The following EXOC6B variants were observed in gnomAD, a reference collection of about 807,000 sequenced individuals.
The protein encoded by EXOC6B is SEC15 homolog B.
A neutral mutation model predicts 113.5 loss-of-function variants in EXOC6B; 54 were observed. The ratio of observed to expected loss-of-function variants is 0.48; its 90% CI spans 0.38 to 0.60. EXOC6B has a LOEUF of 0.60. Ranked by LOEUF, EXOC6B falls within the 20% of genes least tolerant of loss-of-function variation. The pLI is 0.00. For synonymous variants in EXOC6B, 357 were observed against 339.0 expected, an observed-to-expected ratio of 1.05 and a Z score of -0.58; for missense variants, 797 against 977.5, an observed-to-expected ratio of 0.82 and a Z score of 2.46.
chr2:72,463,843 T>G (rs2105412224), intron 18 of EXOC6B: 1 of 152,252 alleles, frequency 6.6e-6, no homozygotes, highest in Admixed American at 6.5e-5. Context: ...AAAAGAATTC[T>G]CACAGTTCTG....
At chr2:72,609,944 T>C (rs1395109579) in intron 6 of EXOC6B, among the ~76,000 whole-genome samples, 1 of 152,016 alleles carries the variant, frequency 6.6e-6, no homozygotes, top group East Asian at 1.9e-4. Context: ...ATGAAATCAG[T>C]AGACAATAAA....
intron 20 of EXOC6B, among the ~76,000 whole-genome samples, chr2:72,217,824 T>C (rs916910612): frequency 4.6e-5 from 7 of 152,228 alleles, no homozygotes; most frequent in African/African-American, 1.7e-4. Flanking sequence ...TTGATTATGC[T>C]TTATTTTCTT....
intron 18 of EXOC6B, among the ~76,000 whole-genome samples, chr2:72,407,735 A>T (rs1020676022): frequency 6.6e-6 from 1 of 152,206 alleles, no homozygotes; most frequent in Non-Finnish European, 1.5e-5. Context: ...AAAGCTATCT[A>T]TGACAAACCC....
At chr2:72,572,050 C>T (rs1704543228) in intron 7 of EXOC6B, among the ~76,000 whole-genome samples, 1 of 152,142 alleles carries the variant, frequency 6.6e-6, no homozygotes, top group Non-Finnish European at 1.5e-5. Context: ...ATTTAAAATG[C>T]TGGTAATACA....
chr2:72,641,239 G>A (rs1376734105), intron 6 of EXOC6B, among the ~76,000 whole-genome samples: 1 of 152,216 alleles, frequency 6.6e-6, no homozygotes, highest in Non-Finnish European at 1.5e-5. Flanking sequence ...CTCAGAGAGG[G>A]CGAGCTGAAG....
At chr2:72,672,140 C>T (rs112911767) in intron 6 of EXOC6B, among the ~76,000 whole-genome samples, 2,465 of 150,170 alleles carry the variant, frequency 0.016, 38 homozygotes, top group Non-Finnish European at 0.024. Flanking sequence ...ATGGAAGTTC[C>T]TCAAAAAACT....
At chr2:72,555,478 GTT>G (rs1359288918) in intron 8 of EXOC6B, among the ~76,000 whole-genome samples, 4 of 152,106 alleles carry the variant, frequency 2.6e-5, no homozygotes, top group African/African-American at 9.7e-5. Context: ...TCTCATTGTG[GTT>G]TTGATTTGCA....
chr2:72,550,339 G>A (rs937299330), intron 8 of EXOC6B, among the ~76,000 whole-genome samples: 2 of 152,150 alleles, frequency 1.3e-5, no homozygotes, highest in Non-Finnish European at 2.9e-5. Context: ...GCTATGAAGA[G>A]TCAGCACTAG....
At chr2:72,189,468 G>A (rs182014848) in intron 20 of EXOC6B, among the ~76,000 whole-genome samples, 2 of 152,142 alleles carry the variant, frequency 1.3e-5, no homozygotes, top group East Asian at 3.9e-4. Flanking sequence ...GATGTTGTCT[G>A]ATTTCTTCCA....
chr2:72,400,670 CAA>C (rs968202360), intron 18 of EXOC6B, among the ~76,000 whole-genome samples: 6 of 114,638 alleles, frequency 5.2e-5, no homozygotes, highest in Admixed American at 1.8e-4. Context: ...CATACGCAGC[CAA>C]AAAAAAAAAA....
intron 19 of EXOC6B, among the ~76,000 whole-genome samples, chr2:72,346,070 G>A (rs1237148450): frequency 2.6e-5 from 4 of 151,932 alleles, no homozygotes; most frequent in South Asian, 2.1e-4. Flanking sequence ...TATTCTCAAA[G>A]GTTTTTTTTT....
chr2:72,503,722 G>C (rs1455933669), intron 11 of EXOC6B, among the ~76,000 whole-genome samples: 9 of 152,122 alleles, frequency 5.9e-5, no homozygotes, highest in Non-Finnish European at 1.3e-4. Flanking sequence ...GCATACACCT[G>C]CTAGATTATA....
At chr2:72,384,203 G>A (rs1175302531) in intron 18 of EXOC6B, among the ~76,000 whole-genome samples, 1 of 152,002 alleles carries the variant, frequency 6.6e-6, no homozygotes, top group East Asian at 1.9e-4. Flanking sequence ...CAAAAGGTGT[G>A]AGACTCTATA....
chr2:72,739,873 A>C (rs1681194852), intron 2 of EXOC6B, among the ~76,000 whole-genome samples: 1 of 152,190 alleles, frequency 6.6e-6, no homozygotes, highest in African/African-American at 2.4e-5. Flanking sequence ...ACTGTTGTAC[A>C]GGTCCATAAA....
chr2:72,444,239 C>G (rs983082488), intron 18 of EXOC6B, among the ~76,000 whole-genome samples: 1 of 152,236 alleles, frequency 6.6e-6, no homozygotes, highest in African/African-American at 2.4e-5. Flanking sequence ...CTCCATGTCT[C>G]ACATCCAGGT....
At chr2:72,459,733 A>G (rs1001633670) in intron 18 of EXOC6B, among the ~76,000 whole-genome samples, 20 of 152,208 alleles carry the variant, frequency 1.3e-4, no homozygotes, top group African/African-American at 4.3e-4. Context: ...AGAACATTCC[A>G]TGCTCATGGG....
At chr2:72,405,014 G>A (rs1693626078) in intron 18 of EXOC6B, among the ~76,000 whole-genome samples, 1 of 152,124 alleles carries the variant, frequency 6.6e-6, no homozygotes, top group South Asian at 2.1e-4. Context: ...GTCCTTAAAG[G>A]ACCTGATGGA....
intron 8 of EXOC6B, among the ~76,000 whole-genome samples, chr2:72,545,916 C>T (rs1702872886): frequency 6.6e-6 from 1 of 152,168 alleles, no homozygotes; most frequent in African/African-American, 2.4e-5. Context: ...CTTAACACCT[C>T]AGGAAACATA....
chr2:72,457,220 A>C (rs1375105926), intron 18 of EXOC6B, among the ~76,000 whole-genome samples: 1 of 152,150 alleles, frequency 6.6e-6, no homozygotes, highest in African/African-American at 2.4e-5. Flanking sequence ...GTTTGTACTG[A>C]CAGTTCTTCA....
Sources: gnomAD v4.1 joint callset for allele counts (sites outside exome capture counted in the v4.1 genomes callset) on GRCh38, gnomAD v4.1.1 for gene constraint, MANE v1.5 for transcripts, NCBI Gene and HGNC (gene_info 2026-07-23, HGNC 2026-07-21) for gene names.